Variants in FRMD7 observed in about 807,000 individuals in gnomAD.
FRMD7 encodes FERM domain containing 7.
Under a neutral mutation model 44.1 loss-of-function variants are expected in FRMD7, and 14 were observed. The observed-to-expected ratio is 0.32, with a 90% CI of 0.21 to 0.50. FRMD7 has a LOEUF of 0.50. FRMD7 is among the 20% of genes least tolerant of loss of function. FRMD7 has a pLI of 0.99. For missense variants in FRMD7, 501 were observed against 522.3 expected (o/e 0.96, Z 0.40); for synonymous variants, 212 against 187.4 (o/e 1.13, Z -1.07).
chrX:132,109,007 C>T (rs905503981), intron 1 of FRMD7, among the ~76,000 whole-genome samples: 2 of 111,867 alleles, frequency 1.8e-5, no homozygotes, highest in Non-Finnish European at 3.8e-5. Context: ...AGTGTGAGAA[C>T]AGGCTACACC....
At chrX:132,117,884 T>G (rs984283361) in intron 1 of FRMD7, among the ~76,000 whole-genome samples, 99 of 112,417 alleles carry the variant, frequency 8.8e-4, no homozygotes, top group African/African-American at 3.0e-3. Flanking sequence ...TTACATAAAA[T>G]TTTATTTCCT....
At chrX:132,104,814 T>C (rs1928603807) in intron 1 of FRMD7, among the ~76,000 whole-genome samples, 1 of 112,610 alleles carries the variant, frequency 8.9e-6, no homozygotes, top group African/African-American at 3.2e-5. Flanking sequence ...CAGTGACCAA[T>C]TGAGTCCCAT....
At chrX:132,096,053 T>A (rs779362008) in intron 4 of FRMD7, among the ~76,000 whole-genome samples, 1 of 111,390 alleles carries the variant, frequency 9.0e-6, no homozygotes, top group East Asian at 2.8e-4. Flanking sequence ...TTTATCTCCA[T>A]CAAAATTGGT....
At chrX:132,111,311 T>A (rs1198144445) in intron 1 of FRMD7, among the ~76,000 whole-genome samples, 1 of 112,150 alleles carries the variant, frequency 8.9e-6, no homozygotes, top group Admixed American at 9.4e-5. Flanking sequence ...CTAATTTTTG[T>A]ATTTTTGGTA....
At chrX:132,121,808 A>G (rs1260036120) in intron 1 of FRMD7, among the ~76,000 whole-genome samples, 1 of 111,894 alleles carries the variant, frequency 8.9e-6, no homozygotes, top group Non-Finnish European at 1.9e-5. Flanking sequence ...GGAACAATTT[A>G]GAATGTAGTA....
At chrX:132,109,352 CTATTGTT>C (rs1259922887) in intron 1 of FRMD7, among the ~76,000 whole-genome samples, 20 of 111,827 alleles carry the variant, frequency 1.8e-4, no homozygotes, top group Non-Finnish European at 3.8e-4. Flanking sequence ...GCTTTTTACT[CTATTGTT>C]TATTGTATTT....
chrX:132,092,885 C>A (rs965304268), intron 5 of FRMD7, among the ~76,000 whole-genome samples: 1 of 111,967 alleles, frequency 8.9e-6, no homozygotes, highest in African/African-American at 3.3e-5. Context: ...TTTTCCATCA[C>A]CTCTTCTAAA....
intron 1 of FRMD7, among the ~76,000 whole-genome samples, chrX:132,111,890 T>C (rs759851622): frequency 8.0e-5 from 9 of 112,252 alleles, no homozygotes; most frequent in Non-Finnish European, 1.7e-4. Flanking sequence ...CATCAATAGG[T>C]GTGCACCTTA....
At position 132,102,021 on chromosome X, in the gene FRMD7, G is replaced by A. The variant is rs7051964; in HGVS notation, c.58-1305C>T. On this transcript the variant is annotated intron_variant, in intron 1 of 11. Coordinates refer to ENST00000298542, the MANE Select transcript of FRMD7 (RefSeq NM_194277.3). ...TACAGTGCTGCAAAGGAAGCCAGGC[G>A]CGGGGAAATGTAGTTGGAAATCACC... 6.3e-5 allele frequency among the ~76,000 whole-genome samples: 7 copies of A among 111,255 alleles called. No individual in the cohort carries two copies. The South Asian group carries it at 1.5e-3, about 25-fold the overall frequency.
At chrX:132,121,012 G>A (rs1425396084) in intron 1 of FRMD7, among the ~76,000 whole-genome samples, 2 of 111,648 alleles carry the variant, frequency 1.8e-5, no homozygotes, top group African/African-American at 6.5e-5. Flanking sequence ...CCTTCACTTG[G>A]CTTTCTTTGT....
intron 11 of FRMD7, 125 bp from the exon 12 acceptor site, chrX:132,079,091 G>A (rs1278906378): frequency 6.8e-6 from 4 of 586,195 alleles, no homozygotes; most frequent in Non-Finnish European, 1.2e-5. Context: ...CAAGATCCAT[G>A]TTCTATTCTA....
At position 132,080,254 on chromosome X, in the gene FRMD7, T is replaced by A; in HGVS notation, c.918A>T (p.Gln306His). The A allele has an allele frequency of 8.4e-7, 1 of 1,192,256 alleles. No individual in the cohort carries two copies. Among genetic ancestry groups the A allele is most frequent in the East Asian group, 3.0e-5 (1 of 33,779 alleles). Residue 306 changes from glutamine to histidine, a missense_variant, in exon 10 of 12, where the codon CAA becomes CAT. By Grantham distance (24) the Gln-to-His change is conservative. Transcript: ENST00000298542. ...GSSFRYSGRTQRQLLEYGRKG... is the reference protein window; with the variant it reads ...GSSFRYSGRTHRQLLEYGRKG... ...TTCTCCCATATTCCAAAAGTTGCCTTTGGGTTCGTCCACTATCATAAGGAA... is the reference window on the plus strand; with the variant it reads ...TTCTCCCATATTCCAAAAGTTGCCTATGGGTTCGTCCACTATCATAAGGAA...
At chrX:132,106,324 A>T (rs1442158634) in intron 1 of FRMD7, among the ~76,000 whole-genome samples, 1 of 112,240 alleles carries the variant, frequency 8.9e-6, no homozygotes, top group Non-Finnish European at 1.9e-5. Context: ...ATTTCACGCA[A>T]TTCAAATGGT....
intron 1 of FRMD7, among the ~76,000 whole-genome samples, chrX:132,104,896 T>C (rs188666237): frequency 8.9e-6 from 1 of 112,197 alleles, no homozygotes; most frequent in East Asian, 2.8e-4. Context: ...CACCATTTAA[T>C]TAAATGGTAT....
In FRMD7 at chrX:132,085,980, C is replaced by A. The variant is rs1383433263; in HGVS notation, c.437G>T (p.Arg146Leu). 8.3e-6 allele frequency: 10 copies of A among 1,204,506 alleles called. No individual in the cohort carries two copies. The highest frequency in any genetic ancestry group is 1.0e-5 in the Non-Finnish European group (9 of 890,271). Reference sequence around the variant, plus strand: ...TAAACAGTCTTGGTTTGGTAAGTACCGAGTTTGTGCCAGATGCTTCCTATC... The same window carrying A: ...TAAACAGTCTTGGTTTGGTAAGTACAGAGTTTGTGCCAGATGCTTCCTATC... ...ETDRKHLAQT[R>L]YLPNQDCLEG... The change falls in exon 6 of 12, where the codon CGG (arginine) becomes CTG (leucine). Residue 146 changes from arginine (R) to leucine (L), a missense_variant. This residue lies in a region of FRMD7 where 453 missense variants were observed against 452.7 expected (regional missense o/e 1.00). Transcript: ENST00000298542.
chrX:132,114,387 G>A (rs1377206117), intron 1 of FRMD7, among the ~76,000 whole-genome samples: 4 of 111,001 alleles, frequency 3.6e-5, no homozygotes, highest in Admixed American at 9.6e-5. Flanking sequence ...GGAATGGGGA[G>A]GCACATGTGG....
At chrX:132,085,888 G>T (rs774822965) in intron 6 of FRMD7, 32 bp downstream of exon 6, 2 of 1,045,900 alleles carry the variant, frequency 1.9e-6, no homozygotes, top group Admixed American at 2.2e-5. Flanking sequence ...GTTCTCTACT[G>T]GGGGAAGCAG....
intron 8 of FRMD7, among the ~76,000 whole-genome samples, 175 bp from the exon 9 acceptor site, chrX:132,082,701 T>C (rs989348666): frequency 1.8e-5 from 2 of 112,130 alleles, no homozygotes; most frequent in Non-Finnish European, 3.8e-5. Flanking sequence ...TTGCGAGGAA[T>C]AGACAGGGCC....
intron 7 of FRMD7, among the ~76,000 whole-genome samples, chrX:132,085,324 A>C (rs1403590113): frequency 1.8e-5 from 2 of 111,903 alleles, no homozygotes; most frequent in Admixed American, 1.9e-4. Context: ...AAAAAGATAT[A>C]TATAGAAAGA....
Sources: gnomAD v4.1 joint callset for allele counts (sites outside exome capture counted in the v4.1 genomes callset) on GRCh38, gnomAD v4.1.1 for gene constraint, gnomAD v4.1.1 regional missense constraint, MANE v1.5 for transcripts, NCBI Gene and HGNC (gene_info 2026-07-23, HGNC 2026-07-21) for gene names.